ATG10: variants seen among roughly 807,000 people sequenced by gnomAD.
The protein encoded by ATG10 is ubiquitin-like-conjugating enzyme ATG10.
ATG10 carries 30 observed loss-of-function variants against 32.1 expected under a neutral mutation model. The ratio of observed to expected loss-of-function variants is 0.94; its 90% confidence interval spans 0.70 to 1.27. ATG10 has a LOEUF of 1.27. Among genes scored for constraint, ATG10 ranks in the 50% most tolerant of loss-of-function variants. The pLI is 0.00. For synonymous variants in ATG10, 87 were observed against 91.5 expected (o/e 0.95, Z 0.28); for missense variants, 233 against 262.3 (o/e 0.89, Z 0.77).
intron 2 of ATG10, among the ~76,000 whole-genome samples, chr5:82,019,364 G>C (rs1314916780): frequency 6.6e-6 from 1 of 151,998 alleles, no homozygotes; most frequent in Non-Finnish European, 1.5e-5. Context: ...GCATATTTTA[G>C]ATTTAAAAAT....
chr5:82,116,192 A>T (rs780123275), intron 3 of ATG10, among the ~76,000 whole-genome samples: 4 of 152,062 alleles, frequency 2.6e-5, no homozygotes, highest in Non-Finnish European at 2.9e-5. Context: ...CAACCAAATT[A>T]TTTGTGTTAT....
At chr5:82,228,777 T>G (rs1027273509) in intron 5 of ATG10, among the ~76,000 whole-genome samples, 1 of 152,192 alleles carries the variant, frequency 6.6e-6, no homozygotes, top group African/African-American at 2.4e-5. Flanking sequence ...ATAGATGTTT[T>G]TTAAATTTAG....
intron 4 of ATG10, among the ~76,000 whole-genome samples, chr5:82,172,133 G>A (rs1414188172): frequency 3.3e-5 from 5 of 152,164 alleles, no homozygotes; most frequent in Non-Finnish European, 7.3e-5. Flanking sequence ...AGAAAATCAT[G>A]AAAGGGAAAA....
intron 3 of ATG10, among the ~76,000 whole-genome samples, chr5:82,157,217 T>G (rs1002613624): frequency 2.0e-5 from 3 of 151,814 alleles, no homozygotes; most frequent in Admixed American, 6.6e-5. Context: ...GCAGGGAGAG[T>G]AAAGAATGGC....
At chr5:82,139,605 G>C (rs1766964384) in intron 3 of ATG10, among the ~76,000 whole-genome samples, 1 of 133,376 alleles carries the variant, frequency 7.5e-6, no homozygotes, top group African/African-American at 3.0e-5. Flanking sequence ...TCTCCGCCCG[G>C]CAGCCACCCC....
intron 3 of ATG10, among the ~76,000 whole-genome samples, chr5:82,152,005 T>A (rs1018085002): frequency 6.6e-6 from 1 of 152,200 alleles, no homozygotes; most frequent in Non-Finnish European, 1.5e-5. Context: ...CCCAGATGTT[T>A]GAAATGCCAT....
At chr5:81,984,014 C>G (rs1299426008) in intron 1 of ATG10, among the ~76,000 whole-genome samples, 1 of 152,244 alleles carries the variant, frequency 6.6e-6, no homozygotes, top group African/African-American at 2.4e-5. Context: ...TCCTCACTTT[C>G]CAGACGGGGT....
chr5:82,053,387 A>G (rs59112980), intron 2 of ATG10, among the ~76,000 whole-genome samples: 164 of 152,254 alleles, frequency 1.1e-3, no homozygotes, highest in African/African-American at 3.7e-3. Flanking sequence ...TTATATTGAA[A>G]AAATTAGTTC....
At chr5:82,012,459 A>G (rs1762154175) in intron 2 of ATG10, among the ~76,000 whole-genome samples, 1 of 152,082 alleles carries the variant, frequency 6.6e-6, no homozygotes, top group Non-Finnish European at 1.5e-5. Flanking sequence ...TGCCCATAAT[A>G]ACTACATATT....
intron 3 of ATG10, among the ~76,000 whole-genome samples, chr5:82,093,694 T>C (rs1764962981): frequency 6.6e-6 from 1 of 152,214 alleles, no homozygotes. Context: ...ATGCCAGACA[T>C]GGTGTATTTT....
At chr5:82,243,015 G>C (rs1264843512) in intron 5 of ATG10, 2 of 292,004 alleles carry the variant, frequency 6.8e-6, no homozygotes, top group East Asian at 1.8e-4. Context: ...ACATAAATCA[G>C]TAAAGGGTGA....
intron 5 of ATG10, among the ~76,000 whole-genome samples, chr5:82,217,045 A>T (rs936816166): frequency 2.3e-5 from 3 of 128,624 alleles, no homozygotes; most frequent in Admixed American, 7.4e-5. Context: ...ACAGAGTGAG[A>T]CTCAGTCTCA....
intron 5 of ATG10, among the ~76,000 whole-genome samples, chr5:82,214,452 G>A (rs1490294008): frequency 6.6e-6 from 1 of 152,182 alleles, no homozygotes; most frequent in Non-Finnish European, 1.5e-5. Flanking sequence ...AAGATTTGCA[G>A]TTGCATTGTT....
At chr5:82,232,446 G>A (rs1300806258) in intron 5 of ATG10, among the ~76,000 whole-genome samples, 2 of 152,072 alleles carry the variant, frequency 1.3e-5, no homozygotes, top group African/African-American at 2.4e-5. Context: ...TACATTCCAC[G>A]ACCTTGGATA....
chr5:82,191,279 C>A (rs1744650825), intron 5 of ATG10, among the ~76,000 whole-genome samples: 1 of 152,210 alleles, frequency 6.6e-6, no homozygotes, highest in Non-Finnish European at 1.5e-5. Flanking sequence ...AGTGGACCTA[C>A]TGTCAGAATT....
intron 2 of ATG10, 97 bp downstream of exon 2, chr5:81,987,775 A>G (rs1761332779): frequency 1.2e-6 from 1 of 856,334 alleles, no homozygotes; most frequent in African/African-American, 1.7e-5. Flanking sequence ...AATTGAAATT[A>G]AGGTATGAAA....
intron 5 of ATG10, 30 bp downstream of exon 5, chr5:82,178,617 C>T (rs1269455201): frequency 7.2e-7 from 1 of 1,389,138 alleles, no homozygotes; most frequent in East Asian, 2.3e-5. Flanking sequence ...TTATTGTATG[C>T]ATGTTATTGT....
intron 3 of ATG10, among the ~76,000 whole-genome samples, chr5:82,095,147 G>A (rs1256316495): frequency 6.6e-6 from 1 of 152,114 alleles, no homozygotes; most frequent in African/African-American, 2.4e-5. Flanking sequence ...TAGAAGGGTT[G>A]CAAAGTTCTT....
intron 3 of ATG10, among the ~76,000 whole-genome samples, chr5:82,115,069 G>A (rs1765751697): frequency 6.6e-6 from 1 of 152,026 alleles, no homozygotes; most frequent in African/African-American, 2.4e-5. Flanking sequence ...CACAGTTTTA[G>A]AGGTTTGTAT....
Sources: gnomAD v4.1 joint callset for allele counts (sites outside exome capture counted in the v4.1 genomes callset) on GRCh38, gnomAD v4.1.1 for gene constraint, MANE v1.5 for transcripts, NCBI Gene and HGNC (gene_info 2026-07-23, HGNC 2026-07-21) for gene names.